Variants in APP observed in about 807,000 individuals in gnomAD.
APP encodes the protein amyloid beta precursor protein, also known as amyloid-beta precursor protein.
In APP, 31 loss-of-function variants were observed where a neutral mutation model predicts 101.4. That is an observed-to-expected ratio of 0.31 (90% CI 0.23 to 0.41). The LOEUF is 0.41. APP is among the 10% of genes least tolerant of loss of function. APP has a pLI of 1.00. For synonymous variants in APP, 366 were observed against 364.4 expected (o/e 1.00, Z -0.05); for missense variants, 839 against 1,003.7 (o/e 0.84, Z 2.22).
intron 3 of APP, among the ~76,000 whole-genome samples, chr21:26,084,281 C>T (rs1284560738): frequency 6.9e-6 from 1 of 144,634 alleles, no homozygotes; most frequent in Non-Finnish European, 1.5e-5. Flanking sequence ...CTCTGTCCCC[C>T]AGGCTGGAGC....
rs561202051 is a variant in APP at position 26,013,854 on chromosome 21, T to A, written c.865+7986A>T. On this transcript the variant is annotated intron_variant, in intron 6 of 17. Coordinates refer to ENST00000346798, the MANE Select transcript of APP (RefSeq NM_000484.4). ...ACCATTAAACTACACGGAAAGATGC[T>A]TGTCCATGTCCTGCTTCACTCTGCC... Among the ~76,000 whole-genome samples, 11 of 152,312 alleles carry A rather than the reference T, an allele frequency of 7.2e-5. No homozygotes were observed. In the South Asian group the frequency reaches 2.3e-3, roughly 32 times the overall value.
intron 8 of APP, among the ~76,000 whole-genome samples, chr21:25,982,996 G>A (rs1022086235): frequency 6.6e-3 from 1 of 152 alleles, no homozygotes; most frequent in Non-Finnish European, 0.019. Flanking sequence ...TCATGAGACA[G>A]TATGGAAACA....
chr21:26,164,178 G>C (rs1409095760), intron 1 of APP, among the ~76,000 whole-genome samples: 3 of 152,234 alleles, frequency 2.0e-5, no homozygotes, highest in Non-Finnish European at 4.4e-5. Context: ...CTGAGAGGCG[G>C]AGATTGCAGT....
chr21:26,059,622 G>C (rs1395694766), intron 3 of APP, among the ~76,000 whole-genome samples: 1 of 152,154 alleles, frequency 6.6e-6, no homozygotes, highest in Admixed American at 6.5e-5. Flanking sequence ...CGGGCACAGT[G>C]GCTCAAGTCT....
chr21:26,136,377 G>C lies in APP; in HGVS notation c.58-24231C>G, dbSNP rs1279711110. Among the ~76,000 whole-genome samples the C allele has an allele frequency of 4.6e-5, 7 of 152,034 alleles. No homozygotes were observed. In the East Asian group the frequency reaches 1.4e-3, roughly 29 times the overall value. ...TTTAAAAAGAAACAGGCAATTTCATGATTCTACTGTACCCTGGATCCATCA... is the reference window on the plus strand; with the variant it reads ...TTTAAAAAGAAACAGGCAATTTCATCATTCTACTGTACCCTGGATCCATCA... On this transcript the variant is annotated intron_variant, in intron 1 of 17. Transcript: ENST00000346798.
At chr21:25,893,297 G>A (rs1252483877) in intron 16 of APP, among the ~76,000 whole-genome samples, 1 of 152,164 alleles carries the variant, frequency 6.6e-6, no homozygotes, top group Non-Finnish European at 1.5e-5. Context: ...AAGTGGGCCA[G>A]TAAATAACCC....
At chr21:25,949,628 A>G (rs893493896) in intron 13 of APP, among the ~76,000 whole-genome samples, 3 of 152,180 alleles carry the variant, frequency 2.0e-5, no homozygotes, top group African/African-American at 7.2e-5. Flanking sequence ...CTAATATCTA[A>G]AAAGTACCAG....
chr21:26,138,752 G>A lies in APP; in HGVS notation c.58-26606C>T, dbSNP rs183607750. On this transcript the variant is annotated intron_variant, in intron 1 of 17. Transcript: ENST00000346798. ...AACAAAATCCTCCTGCAAATATTCT[G>A]TTGGTGGATAGTTTTCAATGTATAC... Among the ~76,000 whole-genome samples the A allele has an allele frequency of 3.0e-3, 462 of 152,184 alleles. 3 individuals carry two copies. The highest frequency in any genetic ancestry group is 5.2e-3 in the Non-Finnish European group (355 of 68,008).
chr21:25,925,157 G>A (rs439196), intron 13 of APP, among the ~76,000 whole-genome samples: 1 of 152,178 alleles, frequency 6.6e-6, no homozygotes, highest in African/African-American at 2.4e-5. Flanking sequence ...TACCCAGGAG[G>A]CCCACTGTAA....
intron 3 of APP, chr21:26,053,571 C>T (rs923327374): frequency 1.1e-5 from 5 of 444,460 alleles, no homozygotes; most frequent in African/African-American, 9.9e-5. Flanking sequence ...TGCCTAAATG[C>T]TGCAAGTGAA....
intron 2 of APP, among the ~76,000 whole-genome samples, chr21:26,096,649 C>G (rs1009594351): frequency 1.3e-4 from 20 of 152,134 alleles, no homozygotes; most frequent in African/African-American, 4.8e-4. Flanking sequence ...TGGTGGCTTG[C>G]GCCTATAGTC....
At chr21:26,020,431 T>C (rs1021533972) in intron 6 of APP, among the ~76,000 whole-genome samples, 1 of 152,082 alleles carries the variant, frequency 6.6e-6, no homozygotes, top group African/African-American at 2.4e-5. Flanking sequence ...AACTTATATG[T>C]AAATTACACC....
At chr21:26,077,001 T>C (rs895610840) in intron 3 of APP, among the ~76,000 whole-genome samples, 4 of 147,756 alleles carry the variant, frequency 2.7e-5, no homozygotes, top group African/African-American at 1.0e-4. Flanking sequence ...AGGCGGAGGC[T>C]GCGATGAGCC....
chr21:25,984,317 T>C (rs1343509003), intron 8 of APP, among the ~76,000 whole-genome samples: 1 of 151,568 alleles, frequency 6.6e-6, no homozygotes, highest in Admixed American at 6.6e-5. Context: ...AAAAAATAAA[T>C]AAAATAGAAC....
chr21:26,129,927 C>A (rs186192980), intron 1 of APP, among the ~76,000 whole-genome samples: 2 of 152,240 alleles, frequency 1.3e-5, no homozygotes, highest in African/African-American at 4.8e-5. Flanking sequence ...AAAATCTTTA[C>A]AAAATAGTAC....
At chr21:26,107,600 G>T (rs2062212718) in intron 2 of APP, among the ~76,000 whole-genome samples, 1 of 152,142 alleles carries the variant, frequency 6.6e-6, no homozygotes, top group Non-Finnish European at 1.5e-5. Context: ...CCCTCATGGG[G>T]AATCGTCTCT....
chr21:26,059,029 C>T lies in APP; in HGVS notation c.356-5681G>A, dbSNP rs919427602. ...CCGGGAGGCGGAGCTTGCAGTGAGCCGAGATCGCGCCACTGCACTCCAGCC... is the reference window on the plus strand; with the variant it reads ...CCGGGAGGCGGAGCTTGCAGTGAGCTGAGATCGCGCCACTGCACTCCAGCC... On this transcript the variant is annotated intron_variant, in intron 3 of 17. Coordinates refer to ENST00000346798, the MANE Select transcript of APP (RefSeq NM_000484.4). Among the ~76,000 whole-genome samples, 8 of 150,984 alleles carry T rather than the reference C, an allele frequency of 5.3e-5. No homozygotes were observed. The East Asian group carries it at 7.8e-4, about 15-fold the overall frequency.
At chr21:25,890,237 G>A (rs1238484384) in intron 17 of APP, among the ~76,000 whole-genome samples, 3 of 152,186 alleles carry the variant, frequency 2.0e-5, no homozygotes, top group Non-Finnish European at 2.9e-5. Flanking sequence ...ATGGGGAAAT[G>A]AGGCTCCACC....
intron 1 of APP, among the ~76,000 whole-genome samples, chr21:26,156,414 A>G (rs2063376829): frequency 6.6e-6 from 1 of 152,250 alleles, no homozygotes; most frequent in African/African-American, 2.4e-5. Flanking sequence ...AATATTAATA[A>G]GATTCAGGTG....
Sources: allele counts gnomAD v4.1 joint callset (sites outside exome capture counted in the v4.1 genomes callset), GRCh38; gene constraint gnomAD v4.1.1; transcripts MANE v1.5; gene names NCBI Gene and HGNC (gene_info 2026-07-23, HGNC 2026-07-21).